Variants in DOCK2 observed in about 807,000 individuals in gnomAD.
DOCK2 encodes dedicator of cytokinesis 2, also known as dedicator of cytokinesis protein 2.
Under a neutral mutation model 248.9 loss-of-function variants are expected in DOCK2, and 87 were observed. That is an observed-to-expected ratio of 0.35 (90% confidence interval 0.29 to 0.42). The LOEUF (loss-of-function observed/expected upper bound fraction) is 0.42. Ranked by LOEUF, DOCK2 falls within the 10% of genes least tolerant of loss-of-function variation. The probability of loss-of-function intolerance (pLI) is 1.00; values close to 1 mark genes in which losing one functional copy is unlikely to be tolerated. For missense variants in DOCK2, 1,747 were observed against 2,300.2 expected (o/e 0.76, Z 4.92); for synonymous variants, 805 against 821.6 (o/e 0.98, Z 0.35).
In DOCK2 at chr5:169,759,719, A is replaced by G. The variant is rs758076377; in HGVS notation, c.2391A>G (p.Lys797=). Residue 797 remains lysine, a synonymous_variant, in exon 24 of 52, where the codon AAA becomes AAG. Coordinates refer to ENST00000520908, the MANE Select transcript of DOCK2 (RefSeq NM_004946.3). The part of the protein sequence containing the change: ...TTILLQVAAL[K]YIPSVLHDVE... ...ATTCCACCTAGGTGGCGGCTTTGAA[A>G]TACATCCCATCTGTCCTGCATGATG... 11 of 1,613,932 alleles carry G rather than the reference A, an allele frequency of 6.8e-6. No homozygotes were observed. Among genetic ancestry groups the G allele is most frequent in the South Asian group, 1.1e-5 (1 of 91,086 alleles).
At position 169,845,713 on chromosome 5, in the gene DOCK2, TG is replaced by T. The variant is rs146692628; in HGVS notation, c.2799+4862del. 5.1e-4 allele frequency among the ~76,000 whole-genome samples: 78 copies of T among 152,324 alleles called. No individual in the cohort carries two copies. In the East Asian group the frequency reaches 0.015, roughly 29 times the overall value. ...CTCATCCCTGAAGCCTTGCAAAGGT[TG>T]TAAGTTGCAAGCTGTGTCATTAGTC... is the stretch of plus-strand genomic sequence containing the variant. On this transcript the variant is annotated intron_variant, in intron 27 of 51. Transcript: ENST00000520908.
intron 40 of DOCK2, 30 bp downstream of exon 40, chr5:170,047,644 C>T (rs767994663): frequency 3.6e-5 from 58 of 1,599,196 alleles, no homozygotes; most frequent in East Asian, 2.2e-4. Context: ...GGACACCAGG[C>T]GAGAGCCCCA....
At chr5:169,770,435 C>T (rs1449081309) in intron 25 of DOCK2, among the ~76,000 whole-genome samples, 1 of 151,764 alleles carries the variant, frequency 6.6e-6, no homozygotes, top group African/African-American at 2.4e-5. Flanking sequence ...GTTAGGACTA[C>T]AGGGACATAC....
At chr5:169,922,915 A>G (rs1415780219) in intron 27 of DOCK2, among the ~76,000 whole-genome samples, 1 of 152,222 alleles carries the variant, frequency 6.6e-6, no homozygotes, top group Non-Finnish European at 1.5e-5. Context: ...AAACACCTGT[A>G]CAGTACAGTG....
intron 26 of DOCK2, among the ~76,000 whole-genome samples, chr5:169,809,987 G>T (rs1161216416): frequency 6.6e-6 from 1 of 152,160 alleles, no homozygotes; most frequent in East Asian, 1.9e-4. Context: ...CACCTGTGTT[G>T]TCACCCTCTG....
chr5:169,867,088 G>T (rs1041386544), intron 27 of DOCK2, among the ~76,000 whole-genome samples: 59 of 152,230 alleles, frequency 3.9e-4, no homozygotes, highest in Admixed American at 3.7e-3. Context: ...AGAACTCAGG[G>T]AAACACTTCC....
Position 169,643,539 on chromosome 5 carries a change from C to T in DOCK2, c.43+6170C>T, listed in dbSNP as rs188026044. On this transcript the variant is annotated intron_variant, in intron 1 of 51. Coordinates refer to ENST00000520908, the MANE Select transcript of DOCK2 (RefSeq NM_004946.3). ...CGCGTGTGCAGGTCACAATAGGGTT[C>T]CTGCTCCTGTGAGAATCGAATGCCC... is the stretch of plus-strand genomic sequence containing the variant. Among the ~76,000 whole-genome samples the T allele has an allele frequency of 3.3e-3, 504 of 152,314 alleles. 4 individuals are homozygous for T. Among genetic ancestry groups the T allele is most frequent in the South Asian group, 0.033 (159 of 4,834 alleles).
intron 26 of DOCK2, among the ~76,000 whole-genome samples, chr5:169,810,489 C>A (rs557227039): frequency 1.3e-5 from 2 of 152,050 alleles, no homozygotes; most frequent in South Asian, 2.1e-4. Context: ...CTCTCTTGGG[C>A]GCAGCAAAGC....
intron 23 of DOCK2, among the ~76,000 whole-genome samples, chr5:169,751,384 T>G (rs923570719): frequency 6.6e-6 from 1 of 152,108 alleles, no homozygotes; most frequent in Non-Finnish European, 1.5e-5. Context: ...GCTAGTGAAA[T>G]AGTACGAGGT....
chr5:169,721,025 A>G (rs1460798708), intron 22 of DOCK2, among the ~76,000 whole-genome samples: 1 of 152,104 alleles, frequency 6.6e-6, no homozygotes, highest in African/African-American at 2.4e-5. Context: ...CCCAGCCAGT[A>G]TAACTCTCTC....
At chr5:170,036,484 C>T (rs745355365) in intron 35 of DOCK2, 31 bp from the exon 36 acceptor site, 2 of 1,609,546 alleles carry the variant, frequency 1.2e-6, no homozygotes, top group Non-Finnish European at 1.7e-6. Context: ...CAGAGAACAA[C>T]ACTCATCATT....
chr5:170,071,128 G>A (rs746692376), intron 46 of DOCK2, among the ~76,000 whole-genome samples: 31 of 152,252 alleles, frequency 2.0e-4, no homozygotes, highest in Middle Eastern at 3.4e-3. Context: ...ATGGGCACCC[G>A]CATGCAAAAG....
At chr5:169,725,662 C>T (rs1040511292) in intron 22 of DOCK2, among the ~76,000 whole-genome samples, 1 of 148,922 alleles carries the variant, frequency 6.7e-6, no homozygotes, top group Non-Finnish European at 1.5e-5. Context: ...CCCCCAGCCC[C>T]CAACCCCCGA....
At chr5:169,782,317 C>A (rs1023244877) in intron 25 of DOCK2, among the ~76,000 whole-genome samples, 1 of 152,026 alleles carries the variant, frequency 6.6e-6, no homozygotes, top group Non-Finnish European at 1.5e-5. Context: ...GTTTGGGGTA[C>A]AAGCAGGAGA....
At chr5:169,883,761 C>A in intron 27 of DOCK2, 1 of 1,551,626 alleles carries the variant, frequency 6.4e-7, no homozygotes, top group Non-Finnish European at 8.7e-7. Context: ...CAGTTGGATT[C>A]TTAGTGGTCC....
At chr5:169,823,425 A>C (rs1034581467) in intron 26 of DOCK2, among the ~76,000 whole-genome samples, 3 of 152,226 alleles carry the variant, frequency 2.0e-5, no homozygotes, top group African/African-American at 7.2e-5. Context: ...ATCCACCGTG[A>C]TCAAGTGGGC....
intron 26 of DOCK2, among the ~76,000 whole-genome samples, chr5:169,804,437 AGTGTGT>A (rs55660700): frequency 0.094 from 12,637 of 134,528 alleles, 674 homozygotes; most frequent in Admixed American, 0.13. Context: ...AGAGCTACAA[AGTGTGT>A]GTGTGTGTGT....
Position 169,763,850 on chromosome 5 carries a change from C to A in DOCK2, c.2554+2225C>A, listed in dbSNP as rs1018602105. Among the ~76,000 whole-genome samples the A allele has an allele frequency of 6.6e-6, 1 of 152,208 alleles. No homozygotes were observed. The highest frequency in any genetic ancestry group is 2.4e-5 in the African/African-American group (1 of 41,456). ...AGGCAAAGTGTAATTAGTGTAGCCA[C>A]GCTCGGCTCACATGTGAAAGTCGTA... On this transcript the variant is annotated intron_variant, in intron 25 of 51. Transcript: ENST00000520908. This position sits in a 1 kb window ranked among gnomAD's most constrained non-coding sequence, Gnocchi z 4.1.
At chr5:169,790,405 C>T (rs1056620252) in intron 25 of DOCK2, among the ~76,000 whole-genome samples, 10 of 152,152 alleles carry the variant, frequency 6.6e-5, no homozygotes, top group Admixed American at 4.6e-4. Context: ...ATTCAGAGAA[C>T]GCTTGCCTGA....
Sources: gnomAD v4.1 joint callset for allele counts (sites outside exome capture counted in the v4.1 genomes callset) on GRCh38, gnomAD v4.1.1 for gene constraint, Gnocchi (gnomAD v3.1) non-coding constraint, MANE v1.5 for transcripts, NCBI Gene and HGNC (gene_info 2026-07-23, HGNC 2026-07-21) for gene names.